Variants in RAPGEF4 observed in about 807,000 individuals in gnomAD.
RAPGEF4 encodes the protein RAP guanine-nucleotide-exchange factor (GEF) 4.
RAPGEF4 carries 66 observed loss-of-function variants against 147.9 expected under a neutral mutation model. That is an observed-to-expected ratio of 0.45 (90% CI 0.37 to 0.55). The LOEUF (loss-of-function observed/expected upper bound fraction) is 0.55, where lower values mean the gene tolerates loss of function less well. Among genes scored for constraint, RAPGEF4 ranks in the 20% least tolerant of loss-of-function variants. The pLI, the probability that RAPGEF4 is intolerant of heterozygous loss-of-function variation, is 0.00. For synonymous variants in RAPGEF4, 419 were observed against 442.7 expected (o/e 0.95, Z 0.67); for missense variants, 1,071 against 1,257.3 (o/e 0.85, Z 2.24).
At chr2:172,921,882 G>A (rs1276173031) in intron 5 of RAPGEF4, among the ~76,000 whole-genome samples, 1 of 152,198 alleles carries the variant, frequency 6.6e-6, no homozygotes, top group Non-Finnish European at 1.5e-5. Context: ...CGAGTGGAGT[G>A]GTTTGCAAAG....
At chr2:172,822,627 C>T (rs763698329) in intron 4 of RAPGEF4, among the ~76,000 whole-genome samples, 5 of 152,180 alleles carry the variant, frequency 3.3e-5, no homozygotes, top group African/African-American at 1.2e-4. Flanking sequence ...GGTACTATAA[C>T]CAGTAGTTGC....
At chr2:172,740,948 T>A (rs1168991561) in intron 1 of RAPGEF4, among the ~76,000 whole-genome samples, 1 of 152,248 alleles carries the variant, frequency 6.6e-6, no homozygotes, top group Non-Finnish European at 1.5e-5. Flanking sequence ...TAATGTATTC[T>A]TCCTCTAAGT....
At chr2:172,859,566 T>G (rs895665883) in intron 4 of RAPGEF4, among the ~76,000 whole-genome samples, 1 of 152,242 alleles carries the variant, frequency 6.6e-6, no homozygotes, top group Non-Finnish European at 1.5e-5. Context: ...CATTTTATTC[T>G]TTGTATGGAA....
chr2:172,933,336 A>G (rs1426888008), intron 6 of RAPGEF4, among the ~76,000 whole-genome samples: 1 of 152,052 alleles, frequency 6.6e-6, no homozygotes, highest in African/African-American at 2.4e-5. Flanking sequence ...GAGGTAAGAG[A>G]GAAGGTACTC....
intron 10 of RAPGEF4, among the ~76,000 whole-genome samples, chr2:172,970,647 GTGTCAC>G (rs561042066): frequency 7.6e-4 from 115 of 151,760 alleles, no homozygotes; most frequent in South Asian, 1.5e-3. Flanking sequence ...AAAAAAAAAA[GTGTCAC>G]TTGTTTTGAC....
At chr2:172,783,048 A>T (rs1344423487) in intron 1 of RAPGEF4, among the ~76,000 whole-genome samples, 1 of 152,188 alleles carries the variant, frequency 6.6e-6, no homozygotes, top group African/African-American at 2.4e-5. Flanking sequence ...AAATTGCAAC[A>T]CTGTAGATCT....
At position 172,925,664 on chromosome 2, in the gene RAPGEF4, G is replaced by A. The variant is rs892496743; in HGVS notation, c.537+3364G>A. ...CTGTAGTCCCAGGAAGATCAGTTGA[G>A]CCTGGGAAGTTGAGGCTACAGTGAG... is the stretch of plus-strand genomic sequence containing the variant. On this transcript the variant is annotated intron_variant, in intron 6 of 30. Coordinates refer to ENST00000397081, the MANE Select transcript of RAPGEF4 (RefSeq NM_007023.4). Among the ~76,000 whole-genome samples, 24 of 151,608 alleles carry A rather than the reference G, an allele frequency of 1.6e-4. 1 individual carries two copies. Among genetic ancestry groups the A allele is most frequent in the Admixed American group, 1.5e-3 (23 of 15,200 alleles).
chr2:172,860,692 ACTC>A (rs2149775537), intron 4 of RAPGEF4, among the ~76,000 whole-genome samples: 1 of 151,150 alleles, frequency 6.6e-6, no homozygotes, highest in Non-Finnish European at 1.5e-5. Flanking sequence ...CCAGCATTTC[ACTC>A]CTCCTGTGGT....
At chr2:172,860,453 G>A (rs1455774468) in intron 4 of RAPGEF4, among the ~76,000 whole-genome samples, 1 of 151,864 alleles carries the variant, frequency 6.6e-6, no homozygotes, top group Non-Finnish European at 1.5e-5. Flanking sequence ...ACCTAATAAA[G>A]TTCTTAACAG....
chr2:172,942,418 G>C (rs1332010005), intron 6 of RAPGEF4, among the ~76,000 whole-genome samples: 1 of 151,602 alleles, frequency 6.6e-6, no homozygotes, highest in Non-Finnish European at 1.5e-5. Flanking sequence ...GCATTTTGCT[G>C]CTCCCCTTTT....
At chr2:173,012,235 C>T (rs1384420151) in intron 17 of RAPGEF4, among the ~76,000 whole-genome samples, 2 of 152,162 alleles carry the variant, frequency 1.3e-5, no homozygotes, top group South Asian at 2.1e-4. Context: ...GTGAGGAACA[C>T]GCATGGTCCA....
chr2:173,038,124 T>C (rs1468507007), intron 29 of RAPGEF4, among the ~76,000 whole-genome samples: 2 of 152,184 alleles, frequency 1.3e-5, no homozygotes, highest in Admixed American at 6.5e-5. Context: ...GGCAAGTATG[T>C]CCTCAGCAGT....
chr2:172,985,384 C>A, intron 11 of RAPGEF4, 49 bp from the exon 12 acceptor site: 1 of 1,613,546 alleles, frequency 6.2e-7, no homozygotes, highest in South Asian at 1.1e-5. Flanking sequence ...CCTTTTCCAC[C>A]CAGACCTGGA....
intron 3 of RAPGEF4, among the ~76,000 whole-genome samples, chr2:172,808,712 A>G (rs1302325531): frequency 1.3e-5 from 2 of 152,170 alleles, no homozygotes; most frequent in Non-Finnish European, 2.9e-5. Flanking sequence ...GATTGTGCCC[A>G]TTTTACAAAT....
chr2:172,966,806 G>T (rs750504174), intron 9 of RAPGEF4, among the ~76,000 whole-genome samples: 4 of 152,194 alleles, frequency 2.6e-5, no homozygotes, highest in Non-Finnish European at 5.9e-5. Context: ...CAGTACAGTT[G>T]ATAAACAGTA....
In RAPGEF4 at chr2:172,885,345, C is replaced by A. The variant is rs1214091712; in HGVS notation, c.445-32457C>A. Among the ~76,000 whole-genome samples the A allele has an allele frequency of 2.6e-5, 4 of 152,306 alleles. No individual in the cohort carries two copies. The South Asian group carries it at 6.2e-4, about 24-fold the overall frequency. On this transcript the variant is annotated intron_variant, in intron 4 of 30. Coordinates refer to ENST00000397081, the MANE Select transcript of RAPGEF4 (RefSeq NM_007023.4). Reference sequence around the variant, plus strand: ...CCCTTATCTATGCCTCCTGAGATTGCCTCCCAAGACCTGGTCTCTGGGTCT... The same window carrying A: ...CCCTTATCTATGCCTCCTGAGATTGACTCCCAAGACCTGGTCTCTGGGTCT...
At chr2:172,862,306 T>C (rs931193212) in intron 4 of RAPGEF4, among the ~76,000 whole-genome samples, 4 of 152,204 alleles carry the variant, frequency 2.6e-5, no homozygotes, top group Non-Finnish European at 4.4e-5. Context: ...CTGATATTCT[T>C]TGGGACCGGG....
At chr2:173,010,240 T>A (rs1047482364) in intron 17 of RAPGEF4, among the ~76,000 whole-genome samples, 23 of 152,250 alleles carry the variant, frequency 1.5e-4, no homozygotes, top group African/African-American at 5.5e-4. Flanking sequence ...TTATATGGCC[T>A]TTCCTTAATG....
intron 4 of RAPGEF4, among the ~76,000 whole-genome samples, chr2:172,885,940 A>G (rs1277319951): frequency 6.6e-6 from 1 of 152,154 alleles, no homozygotes; most frequent in Admixed American, 6.5e-5. Flanking sequence ...CCTGAGTGCC[A>G]TGGCTGCTGC....
Sources: allele counts gnomAD v4.1 joint callset (sites outside exome capture counted in the v4.1 genomes callset), GRCh38; gene constraint gnomAD v4.1.1; transcripts MANE v1.5; gene names NCBI Gene and HGNC (gene_info 2026-07-23, HGNC 2026-07-21).